EHBP1: variants seen among roughly 807,000 people sequenced by gnomAD.
EHBP1 encodes the protein EH domain binding protein 1.
EHBP1 carries 55 observed loss-of-function variants against 144.0 expected under a neutral mutation model. The ratio of observed to expected loss-of-function variants is 0.38; its 90% confidence interval spans 0.31 to 0.48. The LOEUF is 0.48. Among genes scored for constraint, EHBP1 ranks in the 20% least tolerant of loss-of-function variants. EHBP1 has a pLI of 0.98. For missense variants in EHBP1, 1,200 were observed against 1,364.2 expected (o/e 0.88, Z 1.90); for synonymous variants, 469 against 472.7 (o/e 0.99, Z 0.10).
At chr2:62,811,158 T>G (rs1021779500) in intron 5 of EHBP1, among the ~76,000 whole-genome samples, 1 of 152,240 alleles carries the variant, frequency 6.6e-6, no homozygotes. Flanking sequence ...TTAATGTTGA[T>G]TCTTTCTCTT....
chr2:62,708,192 C>T (rs1389740130), intron 2 of EHBP1, among the ~76,000 whole-genome samples: 1 of 152,028 alleles, frequency 6.6e-6, no homozygotes, highest in Non-Finnish European at 1.5e-5. Context: ...AAATAGCTTG[C>T]TTTATTCTAG....
intron 4 of EHBP1, among the ~76,000 whole-genome samples, chr2:62,769,869 C>T (rs1334478388): frequency 1.3e-5 from 2 of 149,728 alleles, no homozygotes; most frequent in Non-Finnish European, 3.0e-5. Context: ...CAAGGCCACA[C>T]ACCTGCAACT....
chr2:62,939,191 A>G (rs139524067), intron 10 of EHBP1, among the ~76,000 whole-genome samples: 17 of 152,328 alleles, frequency 1.1e-4, no homozygotes, highest in African/African-American at 4.1e-4. Context: ...TAAGAAGATG[A>G]TAAGTCCGTG....
At chr2:62,797,143 A>G (rs2043596182) in intron 5 of EHBP1, among the ~76,000 whole-genome samples, 1 of 152,122 alleles carries the variant, frequency 6.6e-6, no homozygotes, top group Non-Finnish European at 1.5e-5. Flanking sequence ...ATCAAATACA[A>G]ATTTCTGTTT....
intron 2 of EHBP1, among the ~76,000 whole-genome samples, chr2:62,733,569 C>T (rs1235979277): frequency 1.3e-5 from 2 of 152,148 alleles, no homozygotes; most frequent in African/African-American, 4.8e-5. Context: ...GAAAGGAAGT[C>T]TAGAGGGTAC....
intron 3 of EHBP1, among the ~76,000 whole-genome samples, chr2:62,749,113 T>A (rs2152181631): frequency 6.6e-6 from 1 of 152,360 alleles, no homozygotes; most frequent in Non-Finnish European, 1.5e-5. Context: ...TAGGTATATC[T>A]CCTAATGCTA....
chr2:62,830,888 C>T (rs1486833189), intron 6 of EHBP1, 131 bp from the exon 7 acceptor site: 1 of 857,548 alleles, frequency 1.2e-6, no homozygotes, highest in African/African-American at 1.8e-5. Flanking sequence ...TTTCAATATT[C>T]TTGTGCAACT....
chr2:62,810,911 G>C (rs2044946407), intron 5 of EHBP1, among the ~76,000 whole-genome samples: 1 of 152,158 alleles, frequency 6.6e-6, no homozygotes. Context: ...TAGCAACTTT[G>C]TAGTCAACTG....
intron 1 of EHBP1, among the ~76,000 whole-genome samples, chr2:62,692,737 A>G (rs1041840265): frequency 1.3e-5 from 2 of 151,214 alleles, no homozygotes; most frequent in Non-Finnish European, 3.0e-5. Flanking sequence ...TTGTATTATA[A>G]TTTTTTTTTA....
At chr2:63,005,174 G>A (rs1023967163) in intron 19 of EHBP1, among the ~76,000 whole-genome samples, 2 of 151,944 alleles carry the variant, frequency 1.3e-5, no homozygotes, top group East Asian at 1.9e-4. Flanking sequence ...TATTTTTCTC[G>A]TAGAAGGCCA....
intron 1 of EHBP1, among the ~76,000 whole-genome samples, chr2:62,693,500 C>T (rs746871587): frequency 1.5e-4 from 23 of 151,982 alleles, no homozygotes; most frequent in African/African-American, 4.4e-4. Context: ...AAAATGGATA[C>T]GTAATAATTG....
intron 1 of EHBP1, among the ~76,000 whole-genome samples, chr2:62,696,135 C>T (rs919511973): frequency 6.7e-5 from 10 of 148,796 alleles, no homozygotes; most frequent in South Asian, 4.4e-4. Flanking sequence ...TCCCTCCCTC[C>T]CTTCCTTTCT....
intron 4 of EHBP1, 59 bp downstream of exon 4, chr2:62,764,420 G>C (rs754461116): frequency 3.1e-5 from 40 of 1,297,376 alleles, no homozygotes; most frequent in Non-Finnish European, 4.0e-5. Context: ...CCAAATGACA[G>C]AATATTTCAG....
At chr2:62,733,644 T>C (rs1329281633) in intron 2 of EHBP1, among the ~76,000 whole-genome samples, 2 of 152,318 alleles carry the variant, frequency 1.3e-5, no homozygotes, top group African/African-American at 4.8e-5. Flanking sequence ...CTCTTGAGGG[T>C]AGGCCTTATT....
chr2:62,698,033 G>C (rs1481550564), intron 1 of EHBP1, among the ~76,000 whole-genome samples: 1 of 152,166 alleles, frequency 6.6e-6, no homozygotes, highest in East Asian at 1.9e-4. Context: ...AGTCACTGCA[G>C]GATTTTGGTA....
intron 1 of EHBP1, among the ~76,000 whole-genome samples, chr2:62,696,193 CAG>C (rs1347145790): frequency 1.5e-5 from 2 of 132,836 alleles, no homozygotes; most frequent in South Asian, 2.8e-4. Flanking sequence ...CTTTTTGAGA[CAG>C]AGTCTCACTC....
At chr2:62,713,822 G>C (rs1416348111) in intron 2 of EHBP1, among the ~76,000 whole-genome samples, 4 of 152,184 alleles carry the variant, frequency 2.6e-5, no homozygotes. Context: ...TTTCATGATA[G>C]TATCTTATAA....
chr2:62,937,728 G>A (rs981393981), intron 10 of EHBP1, among the ~76,000 whole-genome samples: 1 of 152,172 alleles, frequency 6.6e-6, no homozygotes, highest in Non-Finnish European at 1.5e-5. Context: ...AGACTGGGTG[G>A]AGGTGGGAGA....
At chr2:63,035,397 A>G (rs2061409182) in intron 19 of EHBP1, among the ~76,000 whole-genome samples, 1 of 151,990 alleles carries the variant, frequency 6.6e-6, no homozygotes, top group Non-Finnish European at 1.5e-5. Context: ...GTTATTAGTC[A>G]TTTCCTAACA....
Sources: allele counts gnomAD v4.1 joint callset (sites outside exome capture counted in the v4.1 genomes callset), GRCh38; gene constraint gnomAD v4.1.1; transcripts MANE v1.5; gene names NCBI Gene and HGNC (gene_info 2026-07-23, HGNC 2026-07-21).